PTPRD: variants seen among roughly 807,000 people sequenced by gnomAD.
The protein encoded by PTPRD is receptor-type tyrosine-protein phosphatase delta.
Under a neutral mutation model 214.5 loss-of-function variants are expected in PTPRD, and 34 were observed. That is an observed-to-expected ratio of 0.16 (90% CI 0.12 to 0.21). PTPRD has a LOEUF of 0.21. Among genes scored for constraint, PTPRD ranks in the 10% least tolerant of loss-of-function variants. The probability of loss-of-function intolerance (pLI) is 1.00; values close to 1 mark genes in which losing one functional copy is unlikely to be tolerated. For missense variants in PTPRD, 2,545 were observed against 2,398.7 expected (o/e 1.06, Z -1.27); for synonymous variants, 1,128 against 845.7 (o/e 1.33, Z -5.79).
At chr9:9,809,094 GCA>G (rs564025382) in intron 5 of PTPRD, among the ~76,000 whole-genome samples, 75 of 151,958 alleles carry the variant, frequency 4.9e-4, no homozygotes, top group South Asian at 4.4e-3. Flanking sequence ...CCTGAAGAGG[GCA>G]TTTAATCCCC....
chr9:9,571,014 C>T (rs1182525232), intron 8 of PTPRD, among the ~76,000 whole-genome samples: 2 of 151,384 alleles, frequency 1.3e-5, no homozygotes, highest in African/African-American at 4.8e-5. Flanking sequence ...CATTGTGTTA[C>T]ATTATGAGTT....
chr9:10,137,478 A>G (rs925994325), intron 3 of PTPRD, among the ~76,000 whole-genome samples: 2 of 62,502 alleles, frequency 3.2e-5, no homozygotes, highest in Non-Finnish European at 5.7e-5. Flanking sequence ...GCATATTCTC[A>G]CTCATAGGTG....
intron 4 of PTPRD, among the ~76,000 whole-genome samples, chr9:9,996,999 T>C (rs1160235094): frequency 6.6e-6 from 1 of 152,184 alleles, no homozygotes; most frequent in Non-Finnish European, 1.5e-5. Context: ...GTAGAAACTA[T>C]CTTTGAAGAA....
chr9:9,574,796 C>T lies in PTPRD; in HGVS notation c.-286-15G>A, dbSNP rs1039787160. The T allele has an allele frequency of 6.6e-6, 1 of 151,940 alleles. No homozygotes were observed. Among genetic ancestry groups the T allele is most frequent in the East Asian group, 1.9e-4 (1 of 5,188 alleles). The allele number at this position is 151,940 out of a possible 1,614,324, so 9.4% of individuals were successfully genotyped here. The stretch of plus-strand genomic sequence containing the variant: ...CACCCTGAGACCTAGAAAAGTATAA[C>T]ACAAAACATTCTTTATTAGTACTAG... On this transcript the variant is annotated splice_polypyrimidine_tract_variant and intron_variant, in intron 7 of 45. Coordinates refer to ENST00000381196, the MANE Select transcript of PTPRD (RefSeq NM_002839.4).
intron 12 of PTPRD, among the ~76,000 whole-genome samples, chr9:8,686,698 C>T (rs2097688253): frequency 6.6e-6 from 1 of 152,084 alleles, no homozygotes; most frequent in African/African-American, 2.4e-5. Context: ...ACCAAGCCAC[C>T]ATCCAAGTAG....
At chr9:9,220,306 T>G (rs1299791946) in intron 9 of PTPRD, among the ~76,000 whole-genome samples, 1 of 26,528 alleles carries the variant, frequency 3.8e-5, no homozygotes, top group Admixed American at 6.0e-4. Flanking sequence ...TAAACTTGCT[T>G]TTGCTTTTTT....
chr9:10,313,906 A>C (rs539294365), intron 3 of PTPRD, among the ~76,000 whole-genome samples: 1 of 151,930 alleles, frequency 6.6e-6, no homozygotes, highest in African/African-American at 2.4e-5. Context: ...GAGGTAAGGA[A>C]AAGTCTCACG....
intron 10 of PTPRD, among the ~76,000 whole-genome samples, chr9:9,026,748 T>G (rs2099588599): frequency 6.6e-6 from 1 of 151,924 alleles, no homozygotes; most frequent in African/African-American, 2.4e-5. Context: ...GGATTAGATC[T>G]CTGAAATTCA....
intron 5 of PTPRD, among the ~76,000 whole-genome samples, chr9:9,805,603 A>G (rs751504960): frequency 6.6e-6 from 1 of 152,210 alleles, no homozygotes; most frequent in Non-Finnish European, 1.5e-5. Context: ...GGGTTTATAC[A>G]TACTGAGATT....
intron 4 of PTPRD, among the ~76,000 whole-genome samples, chr9:9,948,619 T>C (rs937966515): frequency 6.6e-6 from 1 of 152,134 alleles, no homozygotes; most frequent in African/African-American, 2.4e-5. Context: ...AAAACCTTTT[T>C]TCCCCAAAGG....
At chr9:8,713,872 A>G in intron 12 of PTPRD, 1 of 1,167,708 alleles carries the variant, frequency 8.6e-7, no homozygotes, top group Non-Finnish European at 1.2e-6. Context: ...TGCGCCCCAA[A>G]TAAACTCAGG....
chr9:10,335,875 A>G (rs1464073380), intron 3 of PTPRD, among the ~76,000 whole-genome samples: 2 of 151,816 alleles, frequency 1.3e-5, no homozygotes, highest in Admixed American at 1.3e-4. Flanking sequence ...AAAGCAACTT[A>G]AAACAACATA....
chr9:8,707,714 C>T (rs2098238880), intron 12 of PTPRD, among the ~76,000 whole-genome samples: 1 of 152,152 alleles, frequency 6.6e-6, no homozygotes, highest in African/African-American at 2.4e-5. Flanking sequence ...AAAAGGTCTC[C>T]TACTATTGGG....
chr9:9,230,414 T>TG (rs2099962380), intron 9 of PTPRD, among the ~76,000 whole-genome samples: 1 of 152,086 alleles, frequency 6.6e-6, no homozygotes, highest in Non-Finnish European at 1.5e-5. Context: ...CCTGAGTAAA[T>TG]ATAAGTACAG....
At chr9:8,739,629 T>G (rs983638815) in intron 11 of PTPRD, among the ~76,000 whole-genome samples, 4 of 152,190 alleles carry the variant, frequency 2.6e-5, no homozygotes, top group African/African-American at 9.7e-5. Context: ...GTTCTCGTAG[T>G]CCTTGGCTTC....
At chr9:9,459,127 TGGAA>T (rs1442501755) in intron 8 of PTPRD, among the ~76,000 whole-genome samples, 1 of 151,932 alleles carries the variant, frequency 6.6e-6, no homozygotes, top group Non-Finnish European at 1.5e-5. Context: ...CAAAGCCCCA[TGGAA>T]TGGCCCCACA....
At chr9:10,002,534 T>G (rs1241569418) in intron 4 of PTPRD, among the ~76,000 whole-genome samples, 21 of 150,954 alleles carry the variant, frequency 1.4e-4, no homozygotes, top group Admixed American at 1.4e-3. Context: ...AACTAAAGTG[T>G]CTACAGCTAC....
chr9:9,328,983 T>C (rs549767938), intron 9 of PTPRD, among the ~76,000 whole-genome samples: 20 of 152,118 alleles, frequency 1.3e-4, no homozygotes, highest in South Asian at 6.2e-4. Context: ...AACTTGAAGA[T>C]TGCGTAAAAA....
intron 12 of PTPRD, among the ~76,000 whole-genome samples, chr9:8,690,473 G>A (rs1371112105): frequency 2.0e-5 from 3 of 150,438 alleles, no homozygotes; most frequent in African/African-American, 2.5e-5. Flanking sequence ...AGCTTGCACT[G>A]AGCCAAGATT....
Sources: allele counts gnomAD v4.1 joint callset (sites outside exome capture counted in the v4.1 genomes callset), GRCh38; gene constraint gnomAD v4.1.1; transcripts MANE v1.5; gene names NCBI Gene and HGNC (gene_info 2026-07-23, HGNC 2026-07-21).